The following GALNT10 variants were observed in gnomAD, a reference collection of about 807,000 sequenced individuals.
GALNT10 encodes GalNAc transferase 10.
In GALNT10, 41 loss-of-function variants were observed where a neutral mutation model predicts 75.0. The ratio of observed to expected loss-of-function variants is 0.55; its 90% CI spans 0.43 to 0.71. GALNT10 has a LOEUF of 0.71. Among genes scored for constraint, GALNT10 ranks in the 30% least tolerant of loss-of-function variants. The probability of loss-of-function intolerance (pLI) is 0.00; values close to 1 mark genes in which losing one functional copy is unlikely to be tolerated. For synonymous variants in GALNT10, 302 were observed against 313.0 expected (o/e 0.96, Z 0.37); for missense variants, 727 against 818.5 (o/e 0.89, Z 1.36).
chr5:154,378,998 C>G (rs1041373836), intron 5 of GALNT10, among the ~76,000 whole-genome samples: 1 of 150,000 alleles, frequency 6.7e-6, no homozygotes, highest in Admixed American at 6.6e-5. Context: ...AAATCCAAGT[C>G]AACCTCCAGA....
At chr5:154,371,537 AGTGTGTGTGT>A (rs757305979) in intron 4 of GALNT10, among the ~76,000 whole-genome samples, 6 of 70,858 alleles carry the variant, frequency 8.5e-5, no homozygotes, top group African/African-American at 1.8e-4. Context: ...GACACACCAC[AGTGTGTGTGT>A]GTGTGTGTGT....
At position 154,412,791 on chromosome 5, in the gene GALNT10, C is replaced by G; in HGVS notation, c.1387-98C>G. 1 of 828,068 alleles carries G rather than the reference C, an allele frequency of 1.2e-6. No individual in the cohort carries two copies. The allele number at this position is 828,068 out of a possible 1,614,324, so 51.3% of individuals were successfully genotyped here. ...CAAGACGATTTGAAGGTTAATCCAG[C>G]TAATGTCTCCCACTTGGTTTCCCCT... is the stretch of plus-strand genomic sequence containing the variant. On this transcript the variant is annotated intron_variant, in intron 9 of 11. Coordinates refer to ENST00000297107, the MANE Select transcript of GALNT10 (RefSeq NM_198321.4). The surrounding 1 kb of genome is among the most constrained non-coding windows in gnomAD (Gnocchi z 4.2).
intron 4 of GALNT10, among the ~76,000 whole-genome samples, chr5:154,353,559 T>G (rs931586340): frequency 6.6e-6 from 1 of 152,242 alleles, no homozygotes; most frequent in Admixed American, 6.5e-5. Context: ...CTGGGCTGTC[T>G]GTGTCTTTCT....
chr5:154,352,546 C>T lies in GALNT10; in HGVS notation c.568+22808C>T, dbSNP rs1228179338. On this transcript the variant is annotated intron_variant, in intron 4 of 11. Coordinates refer to ENST00000297107, the MANE Select transcript of GALNT10 (RefSeq NM_198321.4). This position sits in a 1 kb window ranked among gnomAD's most constrained non-coding sequence, Gnocchi z 4.4. ...AGAGGTTAAGTAATTGGCCCAAGAT[C>T]GCACAGCTAGTAAACGGAAGCTGGG... Among the ~76,000 whole-genome samples, 3 of 152,174 alleles carry T rather than the reference C, an allele frequency of 2.0e-5. No individual in the cohort carries two copies. The highest frequency in any genetic ancestry group is 4.4e-5 in the Non-Finnish European group (3 of 68,024).
At chr5:154,414,789 A>G (rs1362552066) in intron 10 of GALNT10, among the ~76,000 whole-genome samples, 1 of 152,188 alleles carries the variant, frequency 6.6e-6, no homozygotes, top group African/African-American at 2.4e-5. Flanking sequence ...AAGGTTATCA[A>G]CCAAATGGAT....
chr5:154,211,792 A>G (rs1775202989), intron 1 of GALNT10, among the ~76,000 whole-genome samples: 2 of 152,162 alleles, frequency 1.3e-5, no homozygotes, highest in South Asian at 4.1e-4. Flanking sequence ...CCTCAACACA[A>G]GACCTCTTCA....
At chr5:154,301,562 GT>G (rs371007487) in intron 3 of GALNT10, among the ~76,000 whole-genome samples, 10,404 of 129,528 alleles carry the variant, frequency 0.08, 321 homozygotes, top group Middle Eastern at 0.11. Context: ...TTGTTTTTTT[GT>G]TTTTTTTTTT....
At chr5:154,408,256 C>G (rs1756324162) in intron 8 of GALNT10, among the ~76,000 whole-genome samples, 1 of 152,182 alleles carries the variant, frequency 6.6e-6, no homozygotes, top group Admixed American at 6.5e-5. Context: ...ACCTTCTGCT[C>G]CTAGAGCAAT....
intron 4 of GALNT10, among the ~76,000 whole-genome samples, chr5:154,375,383 A>G (rs1000349193): frequency 6.6e-6 from 1 of 152,218 alleles, no homozygotes; most frequent in African/African-American, 2.4e-5. Context: ...GATTAAAATC[A>G]AGAGACACCA....
chr5:154,221,640 G>T (rs1306814826), intron 1 of GALNT10, among the ~76,000 whole-genome samples: 1 of 152,172 alleles, frequency 6.6e-6, no homozygotes, highest in African/African-American at 2.4e-5. Context: ...AAAACCACAG[G>T]AATGCAACCT....
At chr5:154,411,922 G>A (rs555155936) in intron 9 of GALNT10, among the ~76,000 whole-genome samples, 34 of 152,246 alleles carry the variant, frequency 2.2e-4, no homozygotes, top group African/African-American at 7.7e-4. Flanking sequence ...AAGGAGAGCC[G>A]GGATAGGAAG....
At chr5:154,399,785 C>G (rs547887083) in intron 7 of GALNT10, among the ~76,000 whole-genome samples, 1 of 152,162 alleles carries the variant, frequency 6.6e-6, no homozygotes, top group Non-Finnish European at 1.5e-5. Flanking sequence ...AGATGAGACT[C>G]CTGCCAACAC....
At chr5:154,242,817 A>G (rs1388390448) in intron 1 of GALNT10, among the ~76,000 whole-genome samples, 1 of 152,164 alleles carries the variant, frequency 6.6e-6, no homozygotes, top group Non-Finnish European at 1.5e-5. Flanking sequence ...CTTCCTTTTC[A>G]TTGGTCTCCT....
chr5:154,278,094 C>A (rs191045261), intron 1 of GALNT10, among the ~76,000 whole-genome samples: 1 of 152,318 alleles, frequency 6.6e-6, no homozygotes, highest in African/African-American at 2.4e-5. Flanking sequence ...TTGACTGAAA[C>A]CTTCCTTTGG....
intron 4 of GALNT10, among the ~76,000 whole-genome samples, chr5:154,340,334 T>C (rs1458834060): frequency 6.6e-6 from 1 of 152,240 alleles, no homozygotes; most frequent in Non-Finnish European, 1.5e-5. Context: ...AAATACATTA[T>C]GTTTCACTTT....
At chr5:154,268,668 G>A (rs1164024777) in intron 1 of GALNT10, among the ~76,000 whole-genome samples, 7 of 152,230 alleles carry the variant, frequency 4.6e-5, no homozygotes, top group Admixed American at 6.5e-5. Flanking sequence ...TATTGGTAGT[G>A]TTAGGTGGTA....
At chr5:154,331,650 T>C (rs1754865951) in intron 4 of GALNT10, among the ~76,000 whole-genome samples, 1 of 152,186 alleles carries the variant, frequency 6.6e-6, no homozygotes, top group Admixed American at 6.5e-5. Flanking sequence ...ACATTCCTTA[T>C]GGTTGGTGTG....
At chr5:154,265,048 G>C (rs2113027844) in intron 1 of GALNT10, among the ~76,000 whole-genome samples, 1 of 152,270 alleles carries the variant, frequency 6.6e-6, no homozygotes, top group Non-Finnish European at 1.5e-5. Flanking sequence ...GTCTCTAAGG[G>C]AAACACTAAA....
intron 1 of GALNT10, among the ~76,000 whole-genome samples, chr5:154,196,872 G>A (rs1406697923): frequency 6.6e-6 from 1 of 152,168 alleles, no homozygotes; most frequent in African/African-American, 2.4e-5. Context: ...AAGACTCTGG[G>A]TGCTGCTTTT....
Sources: allele counts gnomAD v4.1 joint callset (sites outside exome capture counted in the v4.1 genomes callset), GRCh38; gene constraint gnomAD v4.1.1; non-coding constraint Gnocchi (gnomAD v3.1); transcripts MANE v1.5; gene names NCBI Gene and HGNC (gene_info 2026-07-23, HGNC 2026-07-21).